The following TARBP1 variants were observed in gnomAD, a reference collection of about 807,000 sequenced individuals.
TARBP1 encodes tRNA guanosine 2 -O-methyltransferase TARBP1.
A neutral mutation model predicts 178.6 loss-of-function variants in TARBP1; 144 were observed. The ratio of observed to expected loss-of-function variants is 0.81; its 90% CI spans 0.70 to 0.93. The LOEUF (loss-of-function observed/expected upper bound fraction) is 0.93. TARBP1 is among the 40% of genes least tolerant of loss of function. The probability of loss-of-function intolerance (pLI) is 0.00; values close to 1 mark genes in which losing one functional copy is unlikely to be tolerated. For synonymous variants in TARBP1, 787 were observed against 781.0 expected (o/e 1.01, Z -0.13); for missense variants, 2,067 against 2,011.7 (o/e 1.03, Z -0.53).
intron 9 of TARBP1, among the ~76,000 whole-genome samples, chr1:234,457,455 T>C (rs891394567): frequency 6.6e-6 from 1 of 152,224 alleles, no homozygotes; most frequent in South Asian, 2.1e-4. Flanking sequence ...GGTCTATCTG[T>C]ACTGCAAACA....
chr1:234,408,594 C>T (rs898033889), intron 23 of TARBP1, among the ~76,000 whole-genome samples: 3 of 152,046 alleles, frequency 2.0e-5, no homozygotes, highest in Non-Finnish European at 4.4e-5. Flanking sequence ...GACCTGCACT[C>T]GACGGATCAG....
At chr1:234,420,098 C>T (rs191289968) in intron 21 of TARBP1, among the ~76,000 whole-genome samples, 23 of 152,288 alleles carry the variant, frequency 1.5e-4, no homozygotes, top group Non-Finnish European at 3.1e-4. Context: ...ATTTTCTCAA[C>T]AGGAATATTA....
At chr1:234,405,826 C>A in intron 24 of TARBP1, 77 bp downstream of exon 24, 7 of 1,369,708 alleles carry the variant, frequency 5.1e-6, no homozygotes, top group Non-Finnish European at 6.1e-6. Context: ...GAAGCTGACA[C>A]AGTATGGGCA....
chr1:234,454,739 A>C (rs1667116335), intron 9 of TARBP1, among the ~76,000 whole-genome samples: 1 of 152,230 alleles, frequency 6.6e-6, no homozygotes, highest in African/African-American at 2.4e-5. Flanking sequence ...CTGCTTCACA[A>C]CAGGCACTAT....
At position 234,478,332 on chromosome 1, in the gene TARBP1, C is replaced by T; in HGVS notation, c.772G>A (p.Asp258Asn). Residue 258 changes from aspartate to asparagine, a missense_variant, in exon 1 of 30, where the codon GAC becomes AAC. Asp to Asn is a conservative substitution (Grantham distance 23). Transcript: ENST00000040877. ...CAGAAGCGCCAGCAGCGCCGGGCGTCCGGGCCCGCCTCGCGCGCGCCGCGG... is the reference window on the plus strand; with the variant it reads ...CAGAAGCGCCAGCAGCGCCGGGCGTTCGGGCCCGCCTCGCGCGCGCCGCGG... ...RARGAREAGPDARRCWRFWRT... is the reference protein window; with the variant it reads ...RARGAREAGPNARRCWRFWRT... 2.3e-6 allele frequency: 3 copies of T among 1,321,464 alleles called. No individual in the cohort carries two copies. Among genetic ancestry groups the T allele is most frequent in the Non-Finnish European group, 2.9e-6 (3 of 1,039,484 alleles). 81.9% of individuals were successfully genotyped at this position (1,321,464 alleles called of 1,614,324 possible). A position where few individuals can be genotyped will look rare whatever the true frequency, so the allele number is the denominator to read the frequency against.
intron 12 of TARBP1, 54 bp from the exon 13 acceptor site, chr1:234,437,426 A>C: frequency 2.4e-6 from 2 of 822,116 alleles, no homozygotes; most frequent in Non-Finnish European, 3.8e-6. Flanking sequence ...TTTGGTACAA[A>C]ACACACCAGA....
chr1:234,409,234 A>G lies in TARBP1; in HGVS notation c.3792+1211T>C, dbSNP rs1354292703. On this transcript the variant is annotated intron_variant, in intron 23 of 29. Transcript: ENST00000040877. Reference sequence around the variant, plus strand: ...TCCTTTTTGGATGTTTCGAAAATAAAAAATAAATCTAAAATATGTAATAAA... The same window carrying G: ...TCCTTTTTGGATGTTTCGAAAATAAGAAATAAATCTAAAATATGTAATAAA... Among the ~76,000 whole-genome samples the G allele has an allele frequency of 2.0e-5, 3 of 152,216 alleles. No homozygotes were observed. In the East Asian group the frequency reaches 5.8e-4, roughly 29 times the overall value.
At chr1:234,465,550 T>C (rs10797550) in intron 5 of TARBP1, 106 bp downstream of exon 5, 41,626 of 965,270 alleles carry the variant, frequency 0.043, 1,368 homozygotes, top group Admixed American at 0.13. Context: ...AACTCAACTG[T>C]CTATTCAGCA....
chr1:234,468,934 T>G (rs1265630686), intron 3 of TARBP1, among the ~76,000 whole-genome samples: 3 of 151,666 alleles, frequency 2.0e-5, no homozygotes, highest in African/African-American at 7.3e-5. Context: ...GTTCCCCTCA[T>G]ATATCTTACA....
At chr1:234,410,564 TC>T (rs1221688164) in intron 22 of TARBP1, 33 bp from the exon 23 acceptor site, 1 of 1,348,656 alleles carries the variant, frequency 7.4e-7, no homozygotes, top group East Asian at 2.4e-5. Context: ...AAATATTGAT[TC>T]AAAGCTTACT....
intron 23 of TARBP1, among the ~76,000 whole-genome samples, chr1:234,408,796 G>C (rs898091565): frequency 6.6e-6 from 1 of 152,156 alleles, no homozygotes; most frequent in African/African-American, 2.4e-5. Flanking sequence ...AATGCTCAGG[G>C]AGATCGATTT....
At chr1:234,455,409 C>T (rs550213921) in intron 9 of TARBP1, among the ~76,000 whole-genome samples, 12 of 152,206 alleles carry the variant, frequency 7.9e-5, no homozygotes, top group East Asian at 1.9e-4. Context: ...CTCAACAGTT[C>T]GGCAATGGGG....
intron 12 of TARBP1, among the ~76,000 whole-genome samples, chr1:234,439,787 T>C (rs1005296045): frequency 2.0e-5 from 3 of 152,020 alleles, no homozygotes; most frequent in Non-Finnish European, 4.4e-5. Flanking sequence ...GATCACACCA[T>C]TGCACTCCAG....
chr1:234,430,111 T>C lies in TARBP1; in HGVS notation c.2585A>G (p.Tyr862Cys), dbSNP rs1370436816. Residue 862 changes from tyrosine to cysteine, a missense_variant, in exon 15 of 30, where the codon TAT becomes TGT. Coordinates refer to ENST00000040877, the MANE Select transcript of TARBP1 (RefSeq NM_005646.4). ...CCTGCTGCACTCCAAGGGGTGAGCA[T>C]AACTGCTCTGCTCCTCTGCGTGGGG... The part of the protein sequence containing the change: ...QKPHAEEQSS[Y>C]AHPLECSSVL... 2 of 1,614,014 alleles carry C rather than the reference T, an allele frequency of 1.2e-6. No individual in the cohort carries two copies. Among genetic ancestry groups the C allele is most frequent in the Admixed American group, 1.7e-5 (1 of 60,022 alleles).
rs1662471770 is a variant in TARBP1 at position 234,416,789 on chromosome 1, G to C, written c.3705+1295C>G. Among the ~76,000 whole-genome samples, 3 of 152,322 alleles carry C rather than the reference G, an allele frequency of 2.0e-5. No homozygotes were observed. The South Asian group carries it at 6.2e-4, about 32-fold the overall frequency. On this transcript the variant is annotated intron_variant, in intron 22 of 29. Transcript: ENST00000040877. ...GAAAGGGGAGCCAATTTCAGGGCCA[G>C]ATGCTGTTACCAGTTTAGTTTAACA...
In TARBP1 at chr1:234,411,103, T is replaced by C. The variant is rs189022442; in HGVS notation, c.3706-572A>G. Among the ~76,000 whole-genome samples the C allele has an allele frequency of 8.5e-4, 129 of 152,224 alleles. No individual in the cohort carries two copies. The East Asian group carries it at 0.019, about 23-fold the overall frequency. On this transcript the variant is annotated intron_variant, in intron 22 of 29. Transcript: ENST00000040877. The stretch of plus-strand genomic sequence containing the variant: ...ACATAAAATAAAGTACAGTGTGCCC[T>C]CTGTATGCACGAGTTCTGCATCTAT...
At chr1:234,415,609 G>A (rs993101980) in intron 22 of TARBP1, among the ~76,000 whole-genome samples, 2 of 152,042 alleles carry the variant, frequency 1.3e-5, no homozygotes, top group African/African-American at 2.4e-5. Flanking sequence ...CACCTGACCC[G>A]GTTCCAAAGA....
intron 24 of TARBP1, among the ~76,000 whole-genome samples, chr1:234,402,146 A>G (rs1176236290): frequency 6.6e-6 from 1 of 152,244 alleles, no homozygotes; most frequent in Non-Finnish European, 1.5e-5. Flanking sequence ...TAATGGACTC[A>G]AGCGATATCC....
chr1:234,478,745 A>C lies in TARBP1; in HGVS notation c.359T>G (p.Leu120Arg). ...LAGRPQLAAALAEEALRDLLA... is the reference protein window; with the variant it reads ...LAGRPQLAAARAEEALRDLLA... ...CAGATCGCGCAGCGCCTCCTCAGCCAGCGCGGCCGCCAGCTGCGGACGCCC... is the reference window on the plus strand; with the variant it reads ...CAGATCGCGCAGCGCCTCCTCAGCCCGCGCGGCCGCCAGCTGCGGACGCCC... The change falls in exon 1 of 30, where the codon CTG (leucine) becomes CGG (arginine). Residue 120 changes from leucine to arginine, a missense_variant. Leu to Arg is a moderately radical substitution (Grantham distance 102, BLOSUM62 -2). Transcript: ENST00000040877. The C allele has an allele frequency of 8.7e-7, 1 of 1,155,442 alleles. No homozygotes were observed. The highest frequency in any genetic ancestry group is 1.1e-6 in the Non-Finnish European group (1 of 941,422). The allele number at this position is 1,155,442 out of a possible 1,614,324, so 71.6% of individuals were successfully genotyped here.
Sources: gnomAD v4.1 joint callset for allele counts (sites outside exome capture counted in the v4.1 genomes callset) on GRCh38, gnomAD v4.1.1 for gene constraint, MANE v1.5 for transcripts, NCBI Gene and HGNC (gene_info 2026-07-23, HGNC 2026-07-21) for gene names.